ATP8A2: variants seen among roughly 807,000 people sequenced by gnomAD.
ATP8A2 encodes ATPase phospholipid transporting 8A2.
A neutral mutation model predicts 165.6 loss-of-function variants in ATP8A2; 100 were observed. The observed-to-expected ratio is 0.60, with a 90% CI of 0.51 to 0.71. The LOEUF (loss-of-function observed/expected upper bound fraction) is 0.71. Among genes scored for constraint, ATP8A2 ranks in the 30% least tolerant of loss-of-function variants. The pLI, the probability that ATP8A2 is intolerant of heterozygous loss-of-function variation, is 0.00. For synonymous variants in ATP8A2, 543 were observed against 548.8 expected (o/e 0.99, Z 0.15); for missense variants, 1,227 against 1,479.5 (o/e 0.83, Z 2.80).
chr13:25,438,092 G>T (rs1162376585), intron 1 of ATP8A2, among the ~76,000 whole-genome samples: 1 of 152,076 alleles, frequency 6.6e-6, no homozygotes, highest in Non-Finnish European at 1.5e-5. Context: ...TGTCCTTAGG[G>T]CATTCTGTGA....
At chr13:25,579,349 A>G (rs899464426) in intron 21 of ATP8A2, among the ~76,000 whole-genome samples, 1 of 152,208 alleles carries the variant, frequency 6.6e-6, no homozygotes, top group Non-Finnish European at 1.5e-5. Flanking sequence ...CTCAAGTGCT[A>G]ACTGCTGCTT....
chr13:25,831,359 C>T (rs1373452082), intron 28 of ATP8A2, among the ~76,000 whole-genome samples: 7 of 151,532 alleles, frequency 4.6e-5, no homozygotes, highest in South Asian at 2.1e-4. Context: ...GGATTACAGT[C>T]GCCCGCCACC....
chr13:25,424,412 A>G (rs1433490222), intron 1 of ATP8A2, among the ~76,000 whole-genome samples: 1 of 152,086 alleles, frequency 6.6e-6, no homozygotes, highest in African/African-American at 2.4e-5. Flanking sequence ...CGTTCCAGCC[A>G]CCTTCCAATA....
In ATP8A2 at chr13:25,563,983, C is replaced by T. The variant is rs1042753387; in HGVS notation, c.1425C>T (p.Ser475=). Residue 475 remains serine, a synonymous_variant, in exon 16 of 37, where the codon TCC becomes TCT. Coordinates refer to ENST00000381655, the MANE Select transcript of ATP8A2 (RefSeq NM_016529.6). ...FCRMPPPCSD[S]CDFDDPRLLK... is the part of the protein sequence containing the mutation. ...GGATGCCTCCTCCCTGTAGTGATTCCTGTGACTTTGATGACCCCAGGCTGT... is the reference window on the plus strand; with the variant it reads ...GGATGCCTCCTCCCTGTAGTGATTCTTGTGACTTTGATGACCCCAGGCTGT... 2.5e-6 allele frequency: 4 copies of T among 1,613,340 alleles called. No homozygotes were observed. In the Admixed American group the frequency reaches 5.0e-5, roughly 20 times the overall value.
At chr13:25,746,404 G>T (rs886227685) in intron 25 of ATP8A2, among the ~76,000 whole-genome samples, 2 of 152,196 alleles carry the variant, frequency 1.3e-5, no homozygotes, top group African/African-American at 4.8e-5. Context: ...AGTCTAGCAC[G>T]TAGGCAAATA....
At chr13:25,464,419 C>A in intron 1 of ATP8A2, among the ~76,000 whole-genome samples, 1 of 140,352 alleles carries the variant, frequency 7.1e-6, no homozygotes, top group African/African-American at 2.7e-5. Flanking sequence ...GACCTAGGAC[C>A]CAAAAAACTG....
chr13:25,378,706 C>A (rs1440539643), intron 1 of ATP8A2, among the ~76,000 whole-genome samples: 1 of 152,188 alleles, frequency 6.6e-6, no homozygotes, highest in Non-Finnish European at 1.5e-5. Context: ...ACCTCCTCCA[C>A]ATATTCCTCA....
Position 25,579,829 on chromosome 13 carries a change from C to T in ATP8A2, c.1889C>T (p.Ala630Val). The part of the protein sequence containing the change: ...ATEGLRTLCV[A>V]YADLSENEYE... ...GCAGGCTTGCGGACTCTCTGTGTGG[C>T]TTATGCTGATCTCTCTGAGAATGAG... is the stretch of plus-strand genomic sequence containing the variant. The change falls in exon 22 of 37, where the codon GCT becomes GTT. Residue 630 changes from alanine (A) to valine (V), a missense_variant. Transcript: ENST00000381655. The T allele has an allele frequency of 6.2e-7, 1 of 1,613,164 alleles. No individual in the cohort carries two copies. The highest frequency in any genetic ancestry group is 8.5e-7 in the Non-Finnish European group (1 of 1,179,852).
At chr13:25,497,123 G>A (rs1487069160) in intron 2 of ATP8A2, among the ~76,000 whole-genome samples, 1 of 152,168 alleles carries the variant, frequency 6.6e-6, no homozygotes, top group Non-Finnish European at 1.5e-5. Flanking sequence ...AATATGTGAA[G>A]TATCATGATC....
intron 31 of ATP8A2, 52 bp from the exon 32 acceptor site, chr13:25,860,752 A>C: frequency 7.1e-7 from 1 of 1,405,198 alleles, no homozygotes; most frequent in Non-Finnish European, 9.9e-7. Context: ...ATGGAAAGTG[A>C]AAATAACTCA....
intron 1 of ATP8A2, among the ~76,000 whole-genome samples, chr13:25,463,303 G>A (rs1340998899): frequency 6.6e-6 from 1 of 151,788 alleles, no homozygotes; most frequent in Non-Finnish European, 1.5e-5. Context: ...GTAATAATTT[G>A]CCCTTATGCT....
intron 24 of ATP8A2, chr13:25,591,245 C>G (rs1436044495): frequency 2.2e-6 from 1 of 456,210 alleles, no homozygotes. Flanking sequence ...CACCACTATC[C>G]ATCCACAGAA....
chr13:25,406,538 C>A (rs2033807046), intron 1 of ATP8A2, among the ~76,000 whole-genome samples: 1 of 152,128 alleles, frequency 6.6e-6, no homozygotes, highest in East Asian at 1.9e-4. Context: ...ACTATGCATA[C>A]ACTACAGTGA....
chr13:25,990,731 G>T (rs1270674017), intron 35 of ATP8A2, among the ~76,000 whole-genome samples: 3 of 152,214 alleles, frequency 2.0e-5, no homozygotes, highest in Admixed American at 6.5e-5. Flanking sequence ...GCATCTTTGT[G>T]ATTAACTTAG....
intron 25 of ATP8A2, among the ~76,000 whole-genome samples, chr13:25,756,778 T>A (rs1043711781): frequency 2.6e-5 from 4 of 152,262 alleles, no homozygotes; most frequent in Admixed American, 2.6e-4. Flanking sequence ...ATGTGCGAAA[T>A]CAGCACTTGC....
At chr13:25,539,280 T>A (rs1228410802) in intron 7 of ATP8A2, among the ~76,000 whole-genome samples, 1 of 152,050 alleles carries the variant, frequency 6.6e-6, no homozygotes, top group Non-Finnish European at 1.5e-5. Context: ...AAAATTTTTT[T>A]GTAGAGGCTC....
intron 1 of ATP8A2, among the ~76,000 whole-genome samples, chr13:25,401,122 C>T (rs1045491587): frequency 3.3e-5 from 5 of 152,078 alleles, no homozygotes; most frequent in African/African-American, 1.2e-4. Context: ...GTGTGCGGCA[C>T]AGCTCGGAAA....
At chr13:25,511,552 A>G (rs1176310405) in intron 2 of ATP8A2, among the ~76,000 whole-genome samples, 4 of 152,156 alleles carry the variant, frequency 2.6e-5, no homozygotes, top group Non-Finnish European at 4.4e-5. Context: ...GGCTTCCTAG[A>G]AAAGCTTATG....
intron 25 of ATP8A2, among the ~76,000 whole-genome samples, chr13:25,700,167 G>T (rs1038122235): frequency 2.6e-5 from 4 of 152,114 alleles, no homozygotes; most frequent in African/African-American, 7.2e-5. Flanking sequence ...GTGCAGCTGT[G>T]GGGGACCTGG....
Sources: gnomAD v4.1 joint callset for allele counts (sites outside exome capture counted in the v4.1 genomes callset) on GRCh38, gnomAD v4.1.1 for gene constraint, MANE v1.5 for transcripts, NCBI Gene and HGNC (gene_info 2026-07-23, HGNC 2026-07-21) for gene names.